Variants in PGM1 observed in about 807,000 individuals in gnomAD.
PGM1 encodes the protein phosphoglucomutase 1.
In PGM1, 52 loss-of-function variants were observed where a neutral mutation model predicts 55.6. That is an observed-to-expected ratio of 0.94 (90% CI 0.75 to 1.18). PGM1 has a LOEUF of 1.18. PGM1 is among the 50% of genes most tolerant of loss of function. PGM1 has a pLI of 0.00. For synonymous variants in PGM1, 287 were observed against 271.7 expected (o/e 1.06, Z -0.55); for missense variants, 724 against 729.3 (o/e 0.99, Z 0.08).
At chr1:63,593,977 A>T (rs1570464540) in intron 1 of PGM1, 3 of 1,177,204 alleles carry the variant, frequency 2.5e-6, no homozygotes, top group East Asian at 8.8e-5. Context: ...GGGCGCCGGG[A>T]GGTGCGGGCG....
At chr1:63,601,363 A>C (rs763541753) in intron 1 of PGM1, among the ~76,000 whole-genome samples, 8 of 152,168 alleles carry the variant, frequency 5.3e-5, no homozygotes, top group Non-Finnish European at 1.0e-4. Context: ...GCTCAAAATA[A>C]TTTTTATGTC....
At chr1:63,642,126 A>G (rs181612598) in intron 7 of PGM1, among the ~76,000 whole-genome samples, 1 of 152,344 alleles carries the variant, frequency 6.6e-6, no homozygotes, top group Admixed American at 6.5e-5. Flanking sequence ...CTTTGCGGGA[A>G]GAAATGCACT....
At chr1:63,646,851 A>G (rs1649657101) in intron 7 of PGM1, among the ~76,000 whole-genome samples, 1 of 152,306 alleles carries the variant, frequency 6.6e-6, no homozygotes, top group South Asian at 2.1e-4. Flanking sequence ...CAAATCGCCT[A>G]TTGATATCCT....
rs1040272259 is a variant in PGM1, at chr1:63,634,816, A to G, written c.683-13A>G. The stretch of plus-strand genomic sequence containing the variant: ...TTCTGATTCTGCATACATTTATTCC[A>G]TGCTGTATATAGTTGTGGGACCGTA... On this transcript the variant is annotated splice_polypyrimidine_tract_variant and intron_variant, in intron 4 of 10. Coordinates refer to ENST00000371084, the MANE Select transcript of PGM1 (RefSeq NM_002633.3). 5.0e-6 allele frequency: 8 copies of G among 1,606,834 alleles called. No homozygotes were observed. Among genetic ancestry groups the G allele is most frequent in the African/African-American group, 1.3e-5 (1 of 74,734 alleles).
At chr1:63,623,863 A>G (rs1570488574) in intron 1 of PGM1, 10 of 721,878 alleles carry the variant, frequency 1.4e-5, no homozygotes, top group Non-Finnish European at 2.0e-5. Flanking sequence ...ATACACTTCA[A>G]TTCTACTAAC....
At position 63,636,243 on chromosome 1, in the gene PGM1, A is replaced by G. The variant is rs761181633; in HGVS notation, c.883A>G (p.Met295Val). 14 of 1,614,158 alleles carry G rather than the reference A, an allele frequency of 8.7e-6. No individual in the cohort carries two copies. The South Asian group carries it at 1.5e-4, about 18-fold the overall frequency. ...AAFDGDGDRN[M>V]ILGKHGFFVN... ...CTCTCTTCTCCCCAAGGATCGAAACATGATTCTGGGCAAGCATGGGTTCTT... is the reference window on the plus strand; with the variant it reads ...CTCTCTTCTCCCCAAGGATCGAAACGTGATTCTGGGCAAGCATGGGTTCTT... The change falls in exon 6 of 11, where the codon ATG becomes GTG. Residue 295 changes from methionine (M) to valine (V), a missense_variant. This residue lies in a region of PGM1 where 29 missense variants were observed against 58.7 expected (regional missense o/e 0.49). Coordinates refer to ENST00000371084, the MANE Select transcript of PGM1 (RefSeq NM_002633.3).
chr1:63,611,198 G>A (rs1033481559), intron 1 of PGM1, among the ~76,000 whole-genome samples: 3 of 152,096 alleles, frequency 2.0e-5, no homozygotes, highest in African/African-American at 7.2e-5. Flanking sequence ...AGGGGAACAC[G>A]CAGGGGTGGT....
intron 1 of PGM1, among the ~76,000 whole-genome samples, chr1:63,594,881 A>G (rs1183786086): frequency 1.3e-5 from 2 of 148,366 alleles, no homozygotes; most frequent in African/African-American, 5.0e-5. Flanking sequence ...GAATGGCGTG[A>G]ACCCGGGAGG....
At chr1:63,635,197 G>A (rs1649331690) in intron 5 of PGM1, among the ~76,000 whole-genome samples, 178 bp downstream of exon 5, 1 of 152,156 alleles carries the variant, frequency 6.6e-6, no homozygotes, top group African/African-American at 2.4e-5. Flanking sequence ...AGGAGTCATT[G>A]AAATGAAACC....
chr1:63,638,828 T>C (rs1649434742), intron 7 of PGM1, 28 bp downstream of exon 7: 1 of 1,470,214 alleles, frequency 6.8e-7, no homozygotes. Context: ...GCTAGCATTT[T>C]CCTCCCTGTA....
intron 10 of PGM1, among the ~76,000 whole-genome samples, chr1:63,657,725 G>A (rs1650004075): frequency 6.6e-6 from 1 of 152,064 alleles, no homozygotes; most frequent in Non-Finnish European, 1.5e-5. Context: ...TAGTATAGTT[G>A]CTTTTATTAC....
chr1:63,646,813 G>A (rs1324370016), intron 7 of PGM1, among the ~76,000 whole-genome samples: 5 of 151,958 alleles, frequency 3.3e-5, no homozygotes, highest in Non-Finnish European at 7.4e-5. Flanking sequence ...TAATTGGTTG[G>A]GTGTATGTGT....
intron 1 of PGM1, among the ~76,000 whole-genome samples, chr1:63,625,650 C>T (rs1019372713): frequency 2.2e-4 from 34 of 152,176 alleles, no homozygotes; most frequent in Admixed American, 1.9e-3. Flanking sequence ...TTCTTTAATA[C>T]CCACTGTGCC....
intron 7 of PGM1, among the ~76,000 whole-genome samples, chr1:63,648,003 T>C (rs1033818333): frequency 1.3e-5 from 2 of 152,234 alleles, no homozygotes; most frequent in African/African-American, 4.8e-5. Context: ...TGTTGCCTAC[T>C]TAATATGTGA....
chr1:63,612,412 GAT>G (rs1648593082), intron 1 of PGM1, among the ~76,000 whole-genome samples: 1 of 152,180 alleles, frequency 6.6e-6, no homozygotes, highest in East Asian at 1.9e-4. Flanking sequence ...TAGAATGATT[GAT>G]ATATAGTTCA....
chr1:63,620,660 T>C (rs1483105469), intron 1 of PGM1, among the ~76,000 whole-genome samples: 1 of 152,180 alleles, frequency 6.6e-6, no homozygotes, highest in Non-Finnish European at 1.5e-5. Flanking sequence ...TATGCTCTAC[T>C]GGGAAGGTAT....
intron 10 of PGM1, among the ~76,000 whole-genome samples, chr1:63,654,884 T>A (rs970686787): frequency 3.3e-5 from 5 of 152,188 alleles, no homozygotes; most frequent in Non-Finnish European, 4.4e-5. Context: ...TTATTCTCCC[T>A]GCTACAGATA....
intron 3 of PGM1, 47 bp from the exon 4 acceptor site, chr1:63,631,610 T>C: frequency 1.3e-6 from 2 of 1,585,396 alleles, no homozygotes; most frequent in Non-Finnish European, 1.7e-6. Context: ...ATAATATTTC[T>C]AAATGTGTTT....
At chr1:63,638,596 G>A (rs1310665774) in intron 6 of PGM1, 89 bp from the exon 7 acceptor site, 1 of 856,068 alleles carries the variant, frequency 1.2e-6, no homozygotes, top group Admixed American at 1.7e-5. Flanking sequence ...TGGGACCCTT[G>A]ATTACAATAA....
Sources: allele counts gnomAD v4.1 joint callset (sites outside exome capture counted in the v4.1 genomes callset), GRCh38; gene constraint gnomAD v4.1.1; regional missense constraint gnomAD v4.1.1; transcripts MANE v1.5; gene names NCBI Gene and HGNC (gene_info 2026-07-23, HGNC 2026-07-21).